ZNF385D: variants seen among roughly 807,000 people sequenced by gnomAD.
ZNF385D encodes the protein zinc finger protein 385D, also known as zinc finger protein 659.
In ZNF385D, 15 loss-of-function variants were observed where a neutral mutation model predicts 35.8. The ratio of observed to expected loss-of-function variants is 0.42; its 90% CI spans 0.28 to 0.64. The LOEUF is 0.64. Among genes scored for constraint, ZNF385D ranks in the 30% least tolerant of loss-of-function variants. ZNF385D has a pLI of 0.23. For missense variants in ZNF385D, 474 were observed against 494.6 expected (o/e 0.96, Z 0.39); for synonymous variants, 212 against 186.8 (o/e 1.13, Z -1.10).
chr3:21,980,008 C>A (rs1034810082), intron 3 of ZNF385D, among the ~76,000 whole-genome samples: 8 of 152,138 alleles, frequency 5.3e-5, no homozygotes, highest in African/African-American at 1.9e-4. Flanking sequence ...GCCTGACTTT[C>A]AAGACTAGGC....
chr3:21,824,723 G>C, intron 3 of ZNF385D, among the ~76,000 whole-genome samples: 1 of 151,962 alleles, frequency 6.6e-6, no homozygotes. Context: ...CATCATACTG[G>C]AGTTCCAGTA....
In ZNF385D at chr3:21,417,805, T is replaced by C. The variant is rs1245508935; in HGVS notation, c.*3409A>G. On this transcript the variant is annotated 3_prime_UTR_variant, in exon 8 of 8. Transcript: ENST00000281523. ...ACTAGTTTCTTGGCAACAAAATATG[T>C]AGCACCTTTAGAAAAACCAAATTTC... 6.6e-6 allele frequency: 1 copy of C among 152,174 alleles called. No individual in the cohort carries two copies. The highest frequency in any genetic ancestry group is 1.5e-5 in the Non-Finnish European group (1 of 68,016). 9.4% of individuals were successfully genotyped at this position (152,174 alleles called of 1,614,324 possible).
At chr3:22,047,698 C>T (rs1699089574) in intron 3 of ZNF385D, among the ~76,000 whole-genome samples, 2 of 152,204 alleles carry the variant, frequency 1.3e-5, no homozygotes, top group South Asian at 4.1e-4. Flanking sequence ...AATGTTTCTT[C>T]AATGAACATG....
At chr3:22,133,875 T>G (rs1330019202) in intron 3 of ZNF385D, 1 of 151,566 alleles carries the variant, frequency 6.6e-6, no homozygotes, top group East Asian at 1.9e-4. Flanking sequence ...AACTACTAAG[T>G]GAAGGGATAA....
At chr3:21,863,076 T>C (rs1427876213) in intron 3 of ZNF385D, among the ~76,000 whole-genome samples, 1 of 152,138 alleles carries the variant, frequency 6.6e-6, no homozygotes, top group Non-Finnish European at 1.5e-5. Flanking sequence ...CACACATAAA[T>C]ATTTATAAAG....
chr3:21,773,467 C>T (rs575014624), intron 3 of ZNF385D, among the ~76,000 whole-genome samples: 3 of 152,032 alleles, frequency 2.0e-5, no homozygotes, highest in African/African-American at 7.2e-5. Flanking sequence ...GAAACTACAT[C>T]AGAGTAAACA....
chr3:21,429,033 A>G (rs1424566162), intron 5 of ZNF385D, among the ~76,000 whole-genome samples: 1 of 149,346 alleles, frequency 6.7e-6, no homozygotes, highest in Admixed American at 7.0e-5. Flanking sequence ...GCAAGGGGCT[A>G]GACTTCCCTT....
intron 2 of ZNF385D, among the ~76,000 whole-genome samples, chr3:21,621,865 C>CTGTGTGTGTG (rs10580512): frequency 2.7e-5 from 4 of 146,152 alleles, no homozygotes; most frequent in African/African-American, 1.0e-4. Flanking sequence ...CCTGTTACCA[C>CTGTGTGTGTG]TGTGTGTGTG....
At chr3:21,992,777 T>C (rs1469596078) in intron 3 of ZNF385D, among the ~76,000 whole-genome samples, 1 of 152,184 alleles carries the variant, frequency 6.6e-6, no homozygotes, top group Non-Finnish European at 1.5e-5. Flanking sequence ...ATTTACTCTC[T>C]TCTGTCTTGT....
rs1700672764 is a variant in ZNF385D at position 21,420,121 on chromosome 3, A to G, written c.*1093T>C. On this transcript the variant is annotated 3_prime_UTR_variant, in exon 8 of 8. Coordinates refer to ENST00000281523, the MANE Select transcript of ZNF385D (RefSeq NM_024697.3). ...TCAGCAGGTAATCTAAAAAACAAGA[A>G]AAACCCATAAAAATAGCTAATGCTT... 6.6e-6 allele frequency: 1 copy of G among 152,172 alleles called. No homozygotes were observed. The highest frequency in any genetic ancestry group is 2.1e-4 in the South Asian group (1 of 4,834). 9.4% of individuals were successfully genotyped at this position (152,172 alleles called of 1,614,324 possible).
In ZNF385D at chr3:21,413,759, A is replaced by G. The variant is rs1355212139; in HGVS notation, c.*7455T>C. On this transcript the variant is annotated 3_prime_UTR_variant, in exon 8 of 8. Transcript: ENST00000281523. ...CAAAATAGTGCTCATGTTTGTGAAC[A>G]TTAATGCCAAAGTTTTCAATAAGCT... 6.6e-6 allele frequency: 1 copy of G among 152,144 alleles called. No homozygotes were observed. The highest frequency in any genetic ancestry group is 1.5e-5 in the Non-Finnish European group (1 of 67,992). 9.4% of individuals were successfully genotyped at this position (152,144 alleles called of 1,614,324 possible).
chr3:21,707,643 G>A (rs1358957402), intron 1 of ZNF385D, among the ~76,000 whole-genome samples: 1 of 152,154 alleles, frequency 6.6e-6, no homozygotes, highest in African/African-American at 2.4e-5. Flanking sequence ...AACCTGAAAT[G>A]GGCTCTCCTG....
chr3:21,972,035 C>T (rs951296368), intron 3 of ZNF385D, among the ~76,000 whole-genome samples: 3 of 151,836 alleles, frequency 2.0e-5, no homozygotes, highest in Non-Finnish European at 4.4e-5. Flanking sequence ...CCATTTTCAG[C>T]AGCGGAAAAA....
intron 3 of ZNF385D, among the ~76,000 whole-genome samples, chr3:21,852,382 G>C (rs1402801835): frequency 6.6e-6 from 1 of 151,732 alleles, no homozygotes; most frequent in Non-Finnish European, 1.5e-5. Context: ...CTAATCCTAG[G>C]TCTTAGTCAT....
intron 3 of ZNF385D, among the ~76,000 whole-genome samples, chr3:21,857,593 T>C (rs1696797409): frequency 6.6e-6 from 1 of 151,734 alleles, no homozygotes; most frequent in African/African-American, 2.4e-5. Context: ...GTCCTGGAGC[T>C]CAGTGAGAGC....
chr3:22,047,306 T>C (rs989459493), intron 3 of ZNF385D, among the ~76,000 whole-genome samples: 1 of 152,094 alleles, frequency 6.6e-6, no homozygotes. Context: ...TTTTCAAGTA[T>C]ATAATATACT....
intron 3 of ZNF385D, among the ~76,000 whole-genome samples, chr3:22,067,169 G>C (rs879038963): frequency 6.6e-6 from 1 of 152,154 alleles, no homozygotes; most frequent in Non-Finnish European, 1.5e-5. Context: ...TTGTGTCTCT[G>C]TTTTATTCAT....
intron 3 of ZNF385D, chr3:21,877,802 G>C (rs1171257548): frequency 3.9e-5 from 6 of 151,956 alleles, no homozygotes. Context: ...CAGCGTACCT[G>C]CTTGTAGAGA....
At chr3:21,824,989 T>C (rs1694508117) in intron 3 of ZNF385D, among the ~76,000 whole-genome samples, 1 of 152,236 alleles carries the variant, frequency 6.6e-6, no homozygotes, top group African/African-American at 2.4e-5. Flanking sequence ...AGGAAATTAA[T>C]ATGTTCAGAC....
Sources: allele counts gnomAD v4.1 joint callset (sites outside exome capture counted in the v4.1 genomes callset), GRCh38; gene constraint gnomAD v4.1.1; transcripts MANE v1.5; gene names NCBI Gene and HGNC (gene_info 2026-07-23, HGNC 2026-07-21).